The following ADAMTSL1 variants were observed in gnomAD, a reference collection of about 807,000 sequenced individuals.
The protein encoded by ADAMTSL1 is ADAMTS like 1.
ADAMTSL1 carries 126 observed loss-of-function variants against 201.8 expected under a neutral mutation model. That is an observed-to-expected ratio of 0.62 (90% CI 0.54 to 0.72). ADAMTSL1 has a LOEUF of 0.72. Ranked by LOEUF, ADAMTSL1 falls within the 30% of genes least tolerant of loss-of-function variation. ADAMTSL1 has a pLI of 0.00. For missense variants in ADAMTSL1, 2,679 were observed against 2,277.8 expected (o/e 1.18, Z -3.59); for synonymous variants, 1,121 against 903.4 (o/e 1.24, Z -4.32).
intron 1 of ADAMTSL1, among the ~76,000 whole-genome samples, chr9:18,077,819 A>G (rs1049547122): frequency 2.6e-5 from 4 of 152,198 alleles, no homozygotes; most frequent in African/African-American, 9.7e-5. Flanking sequence ...GAAGGGGCTA[A>G]TCGGAGGAAG....
At chr9:18,518,955 C>T (rs1295446898) in intron 2 of ADAMTSL1, among the ~76,000 whole-genome samples, 1 of 152,168 alleles carries the variant, frequency 6.6e-6, no homozygotes, top group African/African-American at 2.4e-5. Flanking sequence ...ATGGGTGCTA[C>T]AGGATGGTGT....
At chr9:18,322,541 G>A (rs1294264780) in intron 2 of ADAMTSL1, among the ~76,000 whole-genome samples, 1 of 152,120 alleles carries the variant, frequency 6.6e-6, no homozygotes, top group Non-Finnish European at 1.5e-5. Flanking sequence ...GCTGAGGCAA[G>A]AGAATCACTT....
intron 1 of ADAMTSL1, among the ~76,000 whole-genome samples, chr9:18,144,191 T>TTTTC (rs150298163): frequency 6.7e-5 from 10 of 149,394 alleles, no homozygotes; most frequent in African/African-American, 2.0e-4. Context: ...ATATACATCT[T>TTTTC]TTTCTTTCTT....
intron 2 of ADAMTSL1, among the ~76,000 whole-genome samples, chr9:18,308,483 C>A (rs117007110): frequency 0.074 from 11,216 of 152,048 alleles, 574 homozygotes; most frequent in Non-Finnish European, 0.11. Context: ...CAAATAGACA[C>A]CATAAAAAAT....
At chr9:18,456,918 G>C (rs575024434) in intron 2 of ADAMTSL1, among the ~76,000 whole-genome samples, 1 of 152,254 alleles carries the variant, frequency 6.6e-6, no homozygotes, top group South Asian at 2.1e-4. Context: ...TTTCTCCTCT[G>C]GCTGGAATGG....
intron 3 of ADAMTSL1, among the ~76,000 whole-genome samples, chr9:18,570,533 G>A (rs1285748397): frequency 6.6e-6 from 1 of 152,126 alleles, no homozygotes; most frequent in African/African-American, 2.4e-5. Context: ...TGTATTTCAA[G>A]GGAAATTTGA....
chr9:17,967,003 T>A (rs796412316), intron 1 of ADAMTSL1, among the ~76,000 whole-genome samples: 80 of 152,272 alleles, frequency 5.3e-4, no homozygotes, highest in African/African-American at 1.7e-3. Flanking sequence ...TCCATTGTAA[T>A]TTTTATTATT....
chr9:17,986,369 A>G (rs1755293), intron 1 of ADAMTSL1, among the ~76,000 whole-genome samples: 117,253 of 151,866 alleles, frequency 0.77, 47,664 homozygotes, highest in Non-Finnish European at 0.89. Context: ...TCAGTTGTCC[A>G]CATGGCAGAA....
intron 13 of ADAMTSL1, among the ~76,000 whole-genome samples, chr9:18,693,778 A>G (rs1831381736): frequency 6.6e-6 from 1 of 152,220 alleles, no homozygotes; most frequent in Non-Finnish European, 1.5e-5. Context: ...ATTATTACAT[A>G]AAGATTTGCA....
Position 18,706,738 on chromosome 9 carries a change from C to A in ADAMTSL1, c.1575-9C>A. On this transcript the variant is annotated splice_polypyrimidine_tract_variant and intron_variant, in intron 13 of 28. Transcript: ENST00000380548. ...TCATCCTGTCCTCTTGTTTGCTTGCCGACTGCAGGTTCATCCCAGAGGCCT... is the reference window on the plus strand; with the variant it reads ...TCATCCTGTCCTCTTGTTTGCTTGCAGACTGCAGGTTCATCCCAGAGGCCT... The A allele has an allele frequency of 6.3e-7, 1 of 1,586,470 alleles. No homozygotes were observed. The highest frequency in any genetic ancestry group is 8.6e-7 in the Non-Finnish European group (1 of 1,165,730).
chr9:18,669,205 A>G (rs887282925), intron 9 of ADAMTSL1, among the ~76,000 whole-genome samples: 1 of 152,252 alleles, frequency 6.6e-6, no homozygotes, highest in Non-Finnish European at 1.5e-5. Flanking sequence ...AGCCTCTTTC[A>G]TGTAAGTGTA....
At chr9:18,130,833 C>G (rs1825920518) in intron 1 of ADAMTSL1, among the ~76,000 whole-genome samples, 1 of 152,054 alleles carries the variant, frequency 6.6e-6, no homozygotes, top group Non-Finnish European at 1.5e-5. Context: ...CATGAGCAGA[C>G]ACAGCACAAA....
intron 15 of ADAMTSL1, among the ~76,000 whole-genome samples, chr9:18,737,850 G>A (rs997402550): frequency 1.3e-5 from 2 of 152,160 alleles, no homozygotes; most frequent in African/African-American, 4.8e-5. Flanking sequence ...TAAACTGGAA[G>A]AACCAAGAGC....
At chr9:18,520,859 C>T (rs1290496121) in intron 2 of ADAMTSL1, among the ~76,000 whole-genome samples, 1 of 152,164 alleles carries the variant, frequency 6.6e-6, no homozygotes, top group African/African-American at 2.4e-5. Context: ...CTGTTTGAGC[C>T]ATGTGATGTA....
chr9:18,564,626 A>C (rs1255980837), intron 3 of ADAMTSL1, among the ~76,000 whole-genome samples: 1 of 152,244 alleles, frequency 6.6e-6, no homozygotes, highest in Non-Finnish European at 1.5e-5. Context: ...TGCAGTCTGA[A>C]AACAAAGCAC....
At chr9:18,211,681 T>G (rs2132318549) in intron 2 of ADAMTSL1, among the ~76,000 whole-genome samples, 1 of 152,280 alleles carries the variant, frequency 6.6e-6, no homozygotes, top group East Asian at 1.9e-4. Context: ...AATCCTTCTT[T>G]TATTTTAGAA....
upstream of ADAMTSL1, among the ~76,000 whole-genome samples, chr9:18,473,359 G>T (rs1484063759): frequency 6.6e-6 from 1 of 152,150 alleles, no homozygotes; most frequent in Non-Finnish European, 1.5e-5. Context: ...ACTCATCCTG[G>T]AGTCTTTGTT....
At chr9:17,976,701 T>G (rs952001831) in intron 1 of ADAMTSL1, among the ~76,000 whole-genome samples, 5 of 151,308 alleles carry the variant, frequency 3.3e-5, no homozygotes, top group African/African-American at 9.7e-5. Flanking sequence ...TTGCTCTCGC[T>G]CTCTCTCTCT....
At chr9:18,013,952 A>T (rs985668177) in intron 1 of ADAMTSL1, among the ~76,000 whole-genome samples, 2 of 152,020 alleles carry the variant, frequency 1.3e-5, no homozygotes, top group African/African-American at 4.8e-5. Context: ...GGTAAAAGAG[A>T]ACCTGGGGGC....
Sources: allele counts gnomAD v4.1 joint callset (sites outside exome capture counted in the v4.1 genomes callset), GRCh38; gene constraint gnomAD v4.1.1; transcripts MANE v1.5; gene names NCBI Gene and HGNC (gene_info 2026-07-23, HGNC 2026-07-21).